The following RASAL2 variants were observed in gnomAD, a reference collection of about 807,000 sequenced individuals.
RASAL2 encodes RAS protein activator like 2, also known as ras GTPase-activating protein nGAP.
In RASAL2, 58 loss-of-function variants were observed where a neutral mutation model predicts 128.9. The ratio of observed to expected loss-of-function variants is 0.45; its 90% CI spans 0.36 to 0.56. The LOEUF is 0.56. Ranked by LOEUF, RASAL2 falls within the 20% of genes least tolerant of loss-of-function variation. The pLI is 0.00. For missense variants in RASAL2, 1,360 were observed against 1,601.6 expected, an observed-to-expected ratio of 0.85 and a Z score of 2.57; for synonymous variants, 561 against 580.8, an observed-to-expected ratio of 0.97 and a Z score of 0.49.
At position 178,473,433 on chromosome 1, in the gene RASAL2, C is replaced by A; in HGVS notation, c.*194C>A. 1.6e-6 allele frequency: 1 copy of A among 641,614 alleles called. No individual in the cohort carries two copies. The highest frequency in any genetic ancestry group is 2.7e-6 in the Non-Finnish European group (1 of 376,058). 39.7% of individuals were successfully genotyped at this position (641,614 alleles called of 1,614,324 possible). Reference sequence around the variant, plus strand: ...ACTTCCAAGGTCAATGCTTTTCCCCCACATCTCTATGTACATAGGGAACTT... The same window carrying A: ...ACTTCCAAGGTCAATGCTTTTCCCCAACATCTCTATGTACATAGGGAACTT... On this transcript the variant is annotated 3_prime_UTR_variant, in exon 18 of 18. Coordinates refer to ENST00000367649, the MANE Select transcript of RASAL2 (RefSeq NM_170692.4).
At chr1:178,117,212 T>C (rs909591337) in intron 1 of RASAL2, among the ~76,000 whole-genome samples, 1 of 151,330 alleles carries the variant, frequency 6.6e-6, no homozygotes, top group Non-Finnish European at 1.5e-5. Context: ...ATTTGAGTAA[T>C]AAAGTAATTG....
intron 3 of RASAL2, among the ~76,000 whole-genome samples, chr1:178,339,640 A>C (rs756764015): frequency 6.6e-6 from 1 of 152,186 alleles, no homozygotes. Context: ...CATTTTGGAT[A>C]GGTGAGGCCA....
At chr1:178,252,752 C>G (rs921654651) in intron 1 of RASAL2, among the ~76,000 whole-genome samples, 1 of 152,184 alleles carries the variant, frequency 6.6e-6, no homozygotes, top group South Asian at 2.1e-4. Flanking sequence ...TCAAAATCTA[C>G]CATCTGATTG....
chr1:178,111,733 A>G (rs1659330950), intron 1 of RASAL2, among the ~76,000 whole-genome samples: 1 of 151,902 alleles, frequency 6.6e-6, no homozygotes, highest in Non-Finnish European at 1.5e-5. Context: ...TGTCTATTTT[A>G]TTTTATTTTG....
intron 4 of RASAL2, among the ~76,000 whole-genome samples, chr1:178,416,223 A>T (rs1674744123): frequency 1.3e-5 from 2 of 152,052 alleles, no homozygotes; most frequent in African/African-American, 4.8e-5. Context: ...TATCAGTTAT[A>T]CTTATTTTTT....
intron 3 of RASAL2, among the ~76,000 whole-genome samples, chr1:178,344,695 G>GGT (rs1464478460): frequency 6.6e-6 from 1 of 152,142 alleles, no homozygotes; most frequent in Admixed American, 6.5e-5. Context: ...AGGAGAAGGA[G>GGT]GTGACTATTG....
intron 5 of RASAL2, among the ~76,000 whole-genome samples, chr1:178,424,935 A>C (rs989473953): frequency 1.3e-5 from 2 of 152,302 alleles, no homozygotes; most frequent in Middle Eastern, 3.4e-3. Flanking sequence ...ACAGTAACAC[A>C]CTCAATATGT....
chr1:178,200,988 G>A (rs1057428628), intron 1 of RASAL2, among the ~76,000 whole-genome samples: 3 of 152,168 alleles, frequency 2.0e-5, no homozygotes, highest in Admixed American at 2.0e-4. Context: ...AACACCCTGT[G>A]AGCTTCTAGA....
At chr1:178,284,072 G>A (rs904901444) in intron 2 of RASAL2, among the ~76,000 whole-genome samples, 15 of 152,104 alleles carry the variant, frequency 9.9e-5, no homozygotes, top group African/African-American at 3.6e-4. Flanking sequence ...TTTATTGGAG[G>A]GACTATTTGC....
intron 3 of RASAL2, among the ~76,000 whole-genome samples, chr1:178,300,687 T>C (rs1008002496): frequency 1.3e-5 from 2 of 152,246 alleles, no homozygotes; most frequent in African/African-American, 4.8e-5. Flanking sequence ...TCCATTGTTA[T>C]ATACTAAAGG....
chr1:178,445,478 A>G, intron 8 of RASAL2, 40 bp from the exon 9 acceptor site: 1 of 1,598,748 alleles, frequency 6.3e-7, no homozygotes, highest in East Asian at 2.2e-5. Context: ...TGTATTATTT[A>G]TTCAGTTGCT....
chr1:178,420,854 G>A (rs1675099178), intron 5 of RASAL2, among the ~76,000 whole-genome samples: 1 of 152,134 alleles, frequency 6.6e-6, no homozygotes, highest in Admixed American at 6.5e-5. Flanking sequence ...TAATTTCAGA[G>A]TCAGTTAAGC....
chr1:178,406,583 T>G (rs1440183121), intron 4 of RASAL2, among the ~76,000 whole-genome samples: 1 of 152,160 alleles, frequency 6.6e-6, no homozygotes, highest in Non-Finnish European at 1.5e-5. Context: ...CTCAAACCTG[T>G]TTTAAAAGAA....
chr1:178,311,042 T>TCCAAACCACCACA (rs1258933840), intron 3 of RASAL2, among the ~76,000 whole-genome samples: 1 of 152,102 alleles, frequency 6.6e-6, no homozygotes, highest in East Asian at 1.9e-4. Context: ...AGGAAACCAC[T>TCCAAACCACCACA]GTGGTGGTTG....
At chr1:178,242,545 G>A (rs550828478) in intron 1 of RASAL2, among the ~76,000 whole-genome samples, 43 of 144,846 alleles carry the variant, frequency 3.0e-4, no homozygotes, top group Admixed American at 4.3e-4. Context: ...CTCCACCCTC[G>A]GCTTCTTAAA....
intron 1 of RASAL2, among the ~76,000 whole-genome samples, chr1:178,212,655 C>CTATACAAAAATACAA (rs1244756643): frequency 6.6e-6 from 1 of 152,020 alleles, no homozygotes; most frequent in Non-Finnish European, 1.5e-5. Context: ...CCACGCCCAA[C>CTATACAAAAATACAA]TAATTTTTGT....
At chr1:178,104,395 A>G (rs1004614201) in intron 1 of RASAL2, among the ~76,000 whole-genome samples, 1 of 152,158 alleles carries the variant, frequency 6.6e-6, no homozygotes, top group Non-Finnish European at 1.5e-5. Flanking sequence ...TGAAAATACA[A>G]TTTTTAATGA....
intron 1 of RASAL2, among the ~76,000 whole-genome samples, chr1:178,143,754 GTTT>G (rs5778975): frequency 7.0e-6 from 1 of 143,108 alleles, no homozygotes; most frequent in African/African-American, 2.5e-5. Flanking sequence ...TATTGTTTGG[GTTT>G]TTTTTTTTTT....
chr1:178,135,496 T>TAAAAAAAA (rs1207102103), intron 1 of RASAL2, among the ~76,000 whole-genome samples: 3 of 116,372 alleles, frequency 2.6e-5, no homozygotes, highest in Non-Finnish European at 3.4e-5. Flanking sequence ...TGTCTCTTCA[T>TAAAAAAAA]AAAAAAAAAA....
Sources: gnomAD v4.1 joint callset for allele counts (sites outside exome capture counted in the v4.1 genomes callset) on GRCh38, gnomAD v4.1.1 for gene constraint, MANE v1.5 for transcripts, NCBI Gene and HGNC (gene_info 2026-07-23, HGNC 2026-07-21) for gene names.